The following LRFN2 variants were observed in gnomAD, a reference collection of about 807,000 sequenced individuals.
LRFN2 encodes leucine rich repeat and fibronectin type III domain containing 2, also known as leucine-rich repeat and fibronectin type-III domain-containing protein 2.
In LRFN2, 18 loss-of-function variants were observed where a neutral mutation model predicts 37.3. The ratio of observed to expected loss-of-function variants is 0.48; its 90% confidence interval spans 0.33 to 0.72. The LOEUF (loss-of-function observed/expected upper bound fraction) is 0.72. LRFN2 is among the 30% of genes least tolerant of loss of function. LRFN2 has a pLI of 0.02. For synonymous variants in LRFN2, 556 were observed against 466.6 expected, an observed-to-expected ratio of 1.19 and a Z score of -2.47; for missense variants, 1,006 against 1,060.7, an observed-to-expected ratio of 0.95 and a Z score of 0.72.
At chr6:40,443,886 T>G (rs1164429376) in intron 1 of LRFN2, among the ~76,000 whole-genome samples, 1 of 152,136 alleles carries the variant, frequency 6.6e-6, no homozygotes, top group Non-Finnish European at 1.5e-5. Context: ...TAGAACCCAG[T>G]CAGGGCATAG....
chr6:40,432,774 T>A lies in LRFN2; in HGVS notation c.340A>T (p.Ser114Cys). 6.2e-7 allele frequency: 1 copy of A among 1,614,180 alleles called. No individual in the cohort carries two copies. The highest frequency in any genetic ancestry group is 8.5e-7 in the Non-Finnish European group (1 of 1,180,038). Residue 114 changes from serine to cysteine, a missense_variant, in exon 2 of 3, where the codon AGC becomes TGC. Physicochemically the swap from Ser to Cys is moderately radical, Grantham distance 112. Transcript: ENST00000338305. The stretch of plus-strand genomic sequence containing the variant: ...CCCCGGAGGGTGTCCTCCCCAAGGC[T>A]TGGCAGCCGATTGCTGTCAAGATGC... ...SLHLDSNRLP[S>C]LGEDTLRGLV... is the part of the protein sequence containing the mutation.
intron 1 of LRFN2, among the ~76,000 whole-genome samples, chr6:40,508,438 A>T (rs1432726972): frequency 2.6e-5 from 4 of 152,106 alleles, no homozygotes; most frequent in Non-Finnish European, 5.9e-5. Context: ...TCTGATCAGC[A>T]GTGGGTGGTG....
intron 1 of LRFN2, among the ~76,000 whole-genome samples, chr6:40,548,700 C>A (rs934742323): frequency 1.3e-5 from 2 of 152,162 alleles, no homozygotes; most frequent in Admixed American, 6.5e-5. Flanking sequence ...TAAACAGGTC[C>A]TATCAGAGTG....
At chr6:40,457,812 T>C (rs994786281) in intron 1 of LRFN2, among the ~76,000 whole-genome samples, 9 of 152,062 alleles carry the variant, frequency 5.9e-5, no homozygotes, top group African/African-American at 2.2e-4. Flanking sequence ...CTCAGCGCTC[T>C]TGCAGGTCTG....
chr6:40,424,855 C>T (rs1001621863), intron 2 of LRFN2, among the ~76,000 whole-genome samples: 1 of 152,210 alleles, frequency 6.6e-6, no homozygotes, highest in Non-Finnish European at 1.5e-5. Context: ...TTTAAGAACA[C>T]CACTTCCCAC....
At chr6:40,508,579 A>G (rs1219935938) in intron 1 of LRFN2, among the ~76,000 whole-genome samples, 3 of 152,178 alleles carry the variant, frequency 2.0e-5, no homozygotes, top group East Asian at 1.9e-4. Flanking sequence ...ACTGCATACT[A>G]GTGGGTCACC....
chr6:40,584,955 A>T (rs1223821632), intron 1 of LRFN2, among the ~76,000 whole-genome samples: 1 of 151,832 alleles, frequency 6.6e-6, no homozygotes, highest in Non-Finnish European at 1.5e-5. Flanking sequence ...CTTCCCATCT[A>T]TCTTGCTTCT....
intron 2 of LRFN2, among the ~76,000 whole-genome samples, chr6:40,414,394 C>T (rs187834360): frequency 2.0e-4 from 31 of 152,266 alleles, no homozygotes; most frequent in African/African-American, 6.3e-4. Context: ...CCCTCCTCCC[C>T]GCCGTAAAAT....
chr6:40,459,241 G>A (rs371117255), intron 1 of LRFN2, among the ~76,000 whole-genome samples: 1 of 152,102 alleles, frequency 6.6e-6, no homozygotes, highest in Non-Finnish European at 1.5e-5. Context: ...AAGAATCCAA[G>A]GAAATTGTTT....
At chr6:40,515,199 G>T in intron 1 of LRFN2, among the ~76,000 whole-genome samples, 1 of 152,198 alleles carries the variant, frequency 6.6e-6, no homozygotes, top group East Asian at 1.9e-4. Context: ...CTGAGTAAAG[G>T]GGGGAAGGGG....
At chr6:40,502,847 G>A (rs1231585432) in intron 1 of LRFN2, among the ~76,000 whole-genome samples, 1 of 152,240 alleles carries the variant, frequency 6.6e-6, no homozygotes, top group Non-Finnish European at 1.5e-5. Flanking sequence ...TGATCAGACA[G>A]CCACATTAGG....
At chr6:40,453,460 C>T (rs1168293546) in intron 1 of LRFN2, among the ~76,000 whole-genome samples, 1 of 151,286 alleles carries the variant, frequency 6.6e-6, no homozygotes, top group Non-Finnish European at 1.5e-5. Context: ...CCAGGCCCAC[C>T]ACCACCCACC....
intron 1 of LRFN2, among the ~76,000 whole-genome samples, chr6:40,444,175 T>C (rs1763909499): frequency 1.3e-5 from 2 of 152,168 alleles, no homozygotes; most frequent in East Asian, 1.9e-4. Context: ...AAATGAAAAA[T>C]AGCACAGACA....
At chr6:40,412,564 G>A (rs1241983363) in intron 2 of LRFN2, among the ~76,000 whole-genome samples, 1 of 152,176 alleles carries the variant, frequency 6.6e-6, no homozygotes, top group Non-Finnish European at 1.5e-5. Context: ...CAGGCTATGA[G>A]ACTGGGGTCA....
intron 1 of LRFN2, among the ~76,000 whole-genome samples, chr6:40,496,234 C>A (rs1765222803): frequency 6.6e-6 from 1 of 152,206 alleles, no homozygotes; most frequent in Non-Finnish European, 1.5e-5. Flanking sequence ...TGTCACCATC[C>A]TCTCTCACTT....
chr6:40,424,343 C>T (rs1277194017), intron 2 of LRFN2, among the ~76,000 whole-genome samples: 1 of 152,184 alleles, frequency 6.6e-6, no homozygotes, highest in African/African-American at 2.4e-5. Flanking sequence ...CTGGTGTCCC[C>T]ACCCCAAGTC....
At chr6:40,439,981 G>A (rs993432123) in intron 1 of LRFN2, among the ~76,000 whole-genome samples, 2 of 151,966 alleles carry the variant, frequency 1.3e-5, no homozygotes, top group African/African-American at 4.8e-5. Context: ...CTAGCTTAGT[G>A]GCTGCAGAAA....
rs377714768 is a variant in LRFN2, at chr6:40,392,174, C to T, written c.2139G>A (p.Pro713=). ...GGCTGCGTTTGGCCTTGCCCTCCAACGGCAAGGGGAGCAGGCTCCTGGCCC... is the reference window on the plus strand; with the variant it reads ...GGCTGCGTTTGGCCTTGCCCTCCAATGGCAAGGGGAGCAGGCTCCTGGCCC... The part of the protein sequence containing the change: ...AARARSLLPL[P]LEGKAKRSHS... Residue 713 remains proline (P), a synonymous_variant, in exon 3 of 3, where the codon CCG becomes CCA. Coordinates refer to ENST00000338305, the MANE Select transcript of LRFN2 (RefSeq NM_020737.3). The surrounding 1 kb of genome is among the most constrained non-coding windows in gnomAD (Gnocchi z 4.7). 8 of 1,597,424 alleles carry T rather than the reference C, an allele frequency of 5.0e-6. No homozygotes were observed. Among genetic ancestry groups the T allele is most frequent in the East Asian group, 2.3e-5 (1 of 44,412 alleles).
intron 1 of LRFN2, among the ~76,000 whole-genome samples, chr6:40,470,590 C>G (rs1764571687): frequency 6.7e-6 from 1 of 148,832 alleles, no homozygotes; most frequent in South Asian, 2.1e-4. Flanking sequence ...AGCCTGGTGA[C>G]AGAGCAAGAC....
Sources: allele counts gnomAD v4.1 joint callset (sites outside exome capture counted in the v4.1 genomes callset), GRCh38; gene constraint gnomAD v4.1.1; non-coding constraint Gnocchi (gnomAD v3.1); transcripts MANE v1.5; gene names NCBI Gene and HGNC (gene_info 2026-07-23, HGNC 2026-07-21).